NAB2: variants seen among roughly 807,000 people sequenced by gnomAD.
The protein encoded by NAB2 is NGFI-A binding protein 2.
NAB2 carries 9 observed loss-of-function variants against 44.2 expected under a neutral mutation model. That is an observed-to-expected ratio of 0.20 (90% CI 0.12 to 0.36). NAB2 has a LOEUF of 0.36. Among genes scored for constraint, NAB2 ranks in the 10% least tolerant of loss-of-function variants. The pLI, the probability that NAB2 is intolerant of heterozygous loss-of-function variation, is 1.00. For missense variants in NAB2, 514 were observed against 709.0 expected, an observed-to-expected ratio of 0.73 and a Z score of 3.12; for synonymous variants, 342 against 291.0, an observed-to-expected ratio of 1.18 and a Z score of -1.78.
intron 4 of NAB2, 21 bp from the exon 5 acceptor site, chr12:57,093,042 C>G (rs756187404): frequency 6.2e-7 from 1 of 1,613,902 alleles, no homozygotes; most frequent in Non-Finnish European, 8.5e-7. Flanking sequence ...GTCTTCATTT[C>G]CCCATGTTGG....
In NAB2 at chr12:57,091,623, C is replaced by T. The variant is rs764160402; in HGVS notation, c.582C>T (p.Asp194=). The part of the protein sequence containing the change: ...IWPGRSTPES[D]VGAGGEEEAG... ...CAGGCCGGAGCACTCCAGAGTCGGA[C>T]GTTGGGGCAGGAGGAGAAGAGGAGG... The change falls in exon 2 of 7, where the codon GAC becomes GAT. Residue 194 remains aspartate, a synonymous_variant. Coordinates refer to ENST00000300131, the MANE Select transcript of NAB2 (RefSeq NM_005967.4). The surrounding 1 kb of genome is among the most constrained non-coding windows in gnomAD (Gnocchi z 7.3). 1.6e-5 allele frequency: 26 copies of T among 1,604,120 alleles called. No individual in the cohort carries two copies. The Admixed American group carries it at 1.7e-4, about 10-fold the overall frequency.
At chr12:57,090,460 G>A (rs1017952592) in intron 1 of NAB2, among the ~76,000 whole-genome samples, 8 of 152,018 alleles carry the variant, frequency 5.3e-5, no homozygotes, top group Non-Finnish European at 1.2e-4. Flanking sequence ...CTGGGTGACA[G>A]AGCGAGACTC....
intron 6 of NAB2, among the ~76,000 whole-genome samples, chr12:57,093,953 A>G (rs2033264320): frequency 6.6e-6 from 1 of 152,024 alleles, no homozygotes; most frequent in South Asian, 2.1e-4. Flanking sequence ...GGGTATGGGG[A>G]TGGGGATGCC....
chr12:57,092,793 CTCTTTCTCGGCCAGCT>C, intron 3 of NAB2, 108 bp from the exon 4 acceptor site: 2 of 1,394,576 alleles, frequency 1.4e-6, no homozygotes, highest in Non-Finnish European at 2.0e-6. Flanking sequence ...GAACTAGAGA[CTCTTTCTCGGCCAGCT>C]TCTTGGCAAA....
In NAB2 at chr12:57,090,534, G is replaced by A. The variant is rs777203952; in HGVS notation, c.84-591G>A. 2.0e-5 allele frequency among the ~76,000 whole-genome samples: 3 copies of A among 152,200 alleles called. No individual in the cohort carries two copies. In the East Asian group the frequency reaches 5.8e-4, roughly 29 times the overall value. The stretch of plus-strand genomic sequence containing the variant: ...GCTTAACCCCTGGGAAAAGCTGAGC[G>A]GAGAAGAGTAAGGCACCACCTGGCT... On this transcript the variant is annotated intron_variant, in intron 1 of 6. Coordinates refer to ENST00000300131, the MANE Select transcript of NAB2 (RefSeq NM_005967.4).
chr12:57,089,895 G>C (rs1314670584), intron 1 of NAB2, among the ~76,000 whole-genome samples: 1 of 152,208 alleles, frequency 6.6e-6, no homozygotes, highest in Non-Finnish European at 1.5e-5. Context: ...GAGGCCTTGA[G>C]CCGCTCCCCC....
In NAB2 at chr12:57,092,890, C is replaced by G. The variant is rs1270265032; in HGVS notation, c.1092-27C>G. 9 of 1,613,884 alleles carry G rather than the reference C, an allele frequency of 5.6e-6. 1 individual carries two copies. The South Asian group carries it at 8.8e-5, about 16-fold the overall frequency. On this transcript the variant is annotated intron_variant, in intron 3 of 6. Transcript: ENST00000300131. ...GTCGAGTGGCCCTCGTCAGCCTCAT[C>G]CACTTTATTCTTACCCATCTTTTCA...
In NAB2 at chr12:57,093,304, C is replaced by A; in HGVS notation, c.1277-103C>A. 3.5e-6 allele frequency: 5 copies of A among 1,444,330 alleles called. No homozygotes were observed. In the South Asian group the frequency reaches 7.1e-5, roughly 20 times the overall value. 89.5% of individuals were successfully genotyped at this position (1,444,330 alleles called of 1,614,324 possible). A position where few individuals can be genotyped will look rare whatever the true frequency, so the allele number is the denominator to read the frequency against. Reference sequence around the variant, plus strand: ...AGTGCCTGAAACAGGGTTGGGAGACCTGGCTGGAGGGGGGGCAGAAGGGCC... The same window carrying A: ...AGTGCCTGAAACAGGGTTGGGAGACATGGCTGGAGGGGGGGCAGAAGGGCC... On this transcript the variant is annotated intron_variant, in intron 5 of 6. Coordinates refer to ENST00000300131, the MANE Select transcript of NAB2 (RefSeq NM_005967.4).
At position 57,091,540 on chromosome 12, in the gene NAB2, G is replaced by A. The variant is rs757384340; in HGVS notation, c.499G>A (p.Gly167Arg). The A allele has an allele frequency of 7.8e-5, 126 of 1,612,586 alleles. 3 individuals carry two copies. In the South Asian group the frequency reaches 1.4e-3, roughly 17 times the overall value. ...SFSPKSPLEL[G>R]EKLSPLPGGP... ...TAGCCCCAAGAGCCCCCTTGAACTT[G>A]GAGAGAAGCTATCACCACTGCCTGG... Residue 167 changes from glycine (G) to arginine (R), a missense_variant, in exon 2 of 7, where the codon GGA becomes AGA. Coordinates refer to ENST00000300131, the MANE Select transcript of NAB2 (RefSeq NM_005967.4). The surrounding 1 kb of genome is among the most constrained non-coding windows in gnomAD (Gnocchi z 7.3).
Position 57,092,145 on chromosome 12 carries a change from C to T in NAB2, c.957+147C>T. On this transcript the variant is annotated intron_variant, in intron 2 of 6. Transcript: ENST00000300131. ...GATCCCCTCCCCAACAGGCCCCTAC[C>T]CCAGCGGCCGCAGTGCTTCCATCCT... is the stretch of plus-strand genomic sequence containing the variant. 6 of 1,353,246 alleles carry T rather than the reference C, an allele frequency of 4.4e-6. No homozygotes were observed. The East Asian group carries it at 7.5e-5, about 17-fold the overall frequency. The allele number at this position is 1,353,246 out of a possible 1,614,324, so 83.8% of individuals were successfully genotyped here.
Position 57,091,191 on chromosome 12 carries a change from G to T in NAB2, c.150G>T (p.Gln50His), listed in dbSNP as rs748267573. The T allele has an allele frequency of 6.4e-7, 1 of 1,556,448 alleles. No homozygotes were observed. The highest frequency in any genetic ancestry group is 2.3e-5 in the East Asian group (1 of 44,218). ...AGCTGCAGCTGTACCGGGTCCTGCA[G>T]CGCGCCAACCTCCTTTCCTACTATG... is the stretch of plus-strand genomic sequence containing the variant. ...LGELQLYRVL[Q>H]RANLLSYYET... Residue 50 changes from glutamine (Q) to histidine (H), a missense_variant, in exon 2 of 7, where the codon CAG becomes CAT. By Grantham distance (24) the Gln-to-His change is conservative. Transcript: ENST00000300131. This position sits in a 1 kb window ranked among gnomAD's most constrained non-coding sequence, Gnocchi z 7.3.
Position 57,094,764 on chromosome 12 carries a change from G to A in NAB2, c.*43G>A. ...TCAGACCCAGGACCTCAGACTTCTG[G>A]CTCACACAGACCCCCACGCTCTCCA... On this transcript the variant is annotated 3_prime_UTR_variant, in exon 7 of 7. Transcript: ENST00000300131. The A allele has an allele frequency of 6.8e-7, 1 of 1,477,264 alleles. No homozygotes were observed. Among genetic ancestry groups the A allele is most frequent in the Non-Finnish European group, 9.2e-7 (1 of 1,088,212 alleles). The allele number at this position is 1,477,264 out of a possible 1,614,324, so 91.5% of individuals were successfully genotyped here. A position where few individuals can be genotyped will look rare whatever the true frequency, so the allele number is the denominator to read the frequency against.
At chr12:57,093,234 TG>T (rs759841104) in intron 5 of NAB2, 39 bp downstream of exon 5, 3 of 513,452 alleles carry the variant, frequency 5.8e-6, no homozygotes, top group Non-Finnish European at 9.9e-6. Flanking sequence ...TCATTGAGGG[TG>T]GGGGAGTAGG....
rs3024985 is a variant in NAB2, at chr12:57,094,924, C to T, written c.*203C>T. On this transcript the variant is annotated 3_prime_UTR_variant, in exon 7 of 7. Transcript: ENST00000300131. ...CTGGAGAGAGGACACAAGGAGGGTG[C>T]GTGGTGCCCTCACCCCTGCCCAGAG... 0.021 allele frequency: 12,439 copies of T among 583,102 alleles called. 209 individuals carry two copies. Among genetic ancestry groups the T allele is most frequent in the Non-Finnish European group, 0.026 (8,421 of 328,222 alleles). The allele number at this position is 583,102 out of a possible 1,614,324, so 36.1% of individuals were successfully genotyped here.
rs1175520912 is a variant in NAB2 at position 57,091,479 on chromosome 12, C to T, written c.438C>T (p.Gly146=). 4 of 1,614,080 alleles carry T rather than the reference C, an allele frequency of 2.5e-6. No homozygotes were observed. Among genetic ancestry groups the T allele is most frequent in the East Asian group, 2.2e-5 (1 of 44,902 alleles). Residue 146 remains glycine (G), a synonymous_variant, in exon 2 of 7, where the codon GGC becomes GGT. Transcript: ENST00000300131. The surrounding 1 kb of genome is among the most constrained non-coding windows in gnomAD (Gnocchi z 7.3). The part of the protein sequence containing the change: ...TRKGSMSNGH[G]SPGEKAGSAR... ...AAGGGAGCATGAGCAATGGGCATGG[C>T]AGCCCAGGGGAAAAGGCAGGCAGTG...
At chr12:57,089,513 G>C (rs2033128777) in intron 1 of NAB2, among the ~76,000 whole-genome samples, 159 bp downstream of exon 1, 2 of 152,026 alleles carry the variant, frequency 1.3e-5, no homozygotes, top group South Asian at 4.1e-4. Flanking sequence ...GAATTAGGGG[G>C]CCCTGGGAGC....
Sources: gnomAD v4.1 joint callset for allele counts (sites outside exome capture counted in the v4.1 genomes callset) on GRCh38, gnomAD v4.1.1 for gene constraint, Gnocchi (gnomAD v3.1) non-coding constraint, MANE v1.5 for transcripts, NCBI Gene and HGNC (gene_info 2026-07-23, HGNC 2026-07-21) for gene names.